Variants in COLEC12 observed in about 807,000 individuals in gnomAD.
COLEC12 encodes the protein collectin subfamily member 12.
In COLEC12, 33 loss-of-function variants were observed where a neutral mutation model predicts 71.1. That is an observed-to-expected ratio of 0.46 (90% confidence interval 0.35 to 0.62). COLEC12 has a LOEUF of 0.62. COLEC12 is among the 20% of genes least tolerant of loss of function. The pLI is 0.00. For synonymous variants in COLEC12, 350 were observed against 353.0 expected, an observed-to-expected ratio of 0.99 and a Z score of 0.10; for missense variants, 765 against 916.1, an observed-to-expected ratio of 0.84 and a Z score of 2.13.
chr18:420,668 G>C (rs1442507846), intron 2 of COLEC12, among the ~76,000 whole-genome samples: 1 of 152,118 alleles, frequency 6.6e-6, no homozygotes, highest in Non-Finnish European at 1.5e-5. Flanking sequence ...CTCCAAGAGA[G>C]GTGACTGAGA....
In COLEC12 at chr18:357,498, G is replaced by C; in HGVS notation, c.83C>G (p.Thr28Ser). ...RFGIQEGTQC[T>S]KCKNNWALKF... ...CAGTGCCCAGTTATTTTTACATTTG[G>C]TACATTGTGTTCCTTCCTGAATACC... Residue 28 changes from threonine to serine, a missense_variant, in exon 3 of 10, where the codon ACC (threonine) becomes AGC (serine). By Grantham distance (58) the Thr-to-Ser change is moderately conservative (BLOSUM62 1). Transcript: ENST00000400256. 1 of 1,587,136 alleles carries C rather than the reference G, an allele frequency of 6.3e-7. No individual in the cohort carries two copies. The highest frequency in any genetic ancestry group is 1.7e-5 in the Admixed American group (1 of 57,174).
chr18:450,173 G>A (rs1408486648), intron 2 of COLEC12, among the ~76,000 whole-genome samples: 5 of 151,970 alleles, frequency 3.3e-5, no homozygotes, highest in East Asian at 3.9e-4. Context: ...AAACTCTCTC[G>A]GCTTCCATAA....
At chr18:420,879 C>T (rs556574259) in intron 2 of COLEC12, among the ~76,000 whole-genome samples, 19 of 22,760 alleles carry the variant, frequency 8.3e-4, no homozygotes, top group Admixed American at 1.9e-3. Context: ...CCTAGAGCCA[C>T]ACCTCCTCTA....
chr18:481,432 C>T (rs1288963467), intron 1 of COLEC12, among the ~76,000 whole-genome samples: 1 of 152,182 alleles, frequency 6.6e-6, no homozygotes, highest in Non-Finnish European at 1.5e-5. Flanking sequence ...CGGCCGGGCG[C>T]AGTGGCTCAT....
intron 2 of COLEC12, among the ~76,000 whole-genome samples, chr18:423,303 C>A (rs1413966470): frequency 1.3e-5 from 2 of 152,052 alleles, no homozygotes; most frequent in Non-Finnish European, 2.9e-5. Flanking sequence ...ATTTATTGGC[C>A]TAGAACATGT....
At chr18:498,469 C>T (rs1263333319) in intron 1 of COLEC12, among the ~76,000 whole-genome samples, 1 of 151,404 alleles carries the variant, frequency 6.6e-6, no homozygotes, top group East Asian at 1.9e-4. Flanking sequence ...AAGTGATTCT[C>T]CTGCCTCAGC....
intron 2 of COLEC12, among the ~76,000 whole-genome samples, chr18:400,862 A>G (rs1226328399): frequency 6.6e-6 from 1 of 152,090 alleles, no homozygotes; most frequent in African/African-American, 2.4e-5. Flanking sequence ...GTTTCAAGAA[A>G]TAACAATTTG....
intron 2 of COLEC12, among the ~76,000 whole-genome samples, chr18:404,414 G>A (rs1170142246): frequency 6.6e-6 from 1 of 152,178 alleles, no homozygotes; most frequent in African/African-American, 2.4e-5. Flanking sequence ...TGGGGAACTA[G>A]CTTATGATGT....
At chr18:406,510 C>T (rs1360172315) in intron 2 of COLEC12, among the ~76,000 whole-genome samples, 17 of 71,758 alleles carry the variant, frequency 2.4e-4, no homozygotes, top group East Asian at 9.6e-4. Flanking sequence ...AGCGAGACTC[C>T]GTCTCAAAAA....
chr18:464,011 CCCTTTCTTGGTTCTTTCTCT>C (rs1917036650), intron 2 of COLEC12, among the ~76,000 whole-genome samples: 1 of 152,276 alleles, frequency 6.6e-6, no homozygotes, highest in Admixed American at 6.5e-5. Flanking sequence ...TTGACTGGTT[CCCTTTCTTGGTTCTTTCTCT>C]CCATCCCCAC....
intron 5 of COLEC12, among the ~76,000 whole-genome samples, chr18:343,206 G>A (rs1299502734): frequency 6.6e-6 from 1 of 152,150 alleles, no homozygotes; most frequent in Admixed American, 6.5e-5. Context: ...GGGCACATTG[G>A]GTAGGGAATT....
intron 2 of COLEC12, among the ~76,000 whole-genome samples, chr18:413,406 A>G (rs1163489368): frequency 6.6e-6 from 1 of 152,240 alleles, no homozygotes; most frequent in Non-Finnish European, 1.5e-5. Flanking sequence ...GTGAGAATGT[A>G]AAATGGTACA....
chr18:442,002 TACACACACACACACAC>T (rs56024245), intron 2 of COLEC12, among the ~76,000 whole-genome samples: 75 of 120,736 alleles, frequency 6.2e-4, no homozygotes, highest in Non-Finnish European at 7.8e-4. Context: ...TCTCTCTCTC[TACACACACACACACAC>T]ACACACACAC....
Position 353,451 on chromosome 18 carries a change from T to C in COLEC12, c.181+3949A>G, listed in dbSNP as rs150158006. Among the ~76,000 whole-genome samples the C allele has an allele frequency of 1.1e-3, 171 of 152,334 alleles. 2 individuals are homozygous for C. In the East Asian group the frequency reaches 0.028, roughly 25 times the overall value. ...AGGTTTAACTCCAAAATCCATGCTC[T>C]TTCTATGACTCCGTATCACCTCTCT... On this transcript the variant is annotated intron_variant, in intron 3 of 9. Transcript: ENST00000400256.
intron 2 of COLEC12, among the ~76,000 whole-genome samples, chr18:392,702 T>G (rs1048390758): frequency 6.6e-6 from 1 of 152,212 alleles, no homozygotes; most frequent in Non-Finnish European, 1.5e-5. Context: ...TGTGAGGGCC[T>G]TTTATGGGCC....
chr18:360,600 GCTTACACATCACA>G (rs1371474337), intron 2 of COLEC12, among the ~76,000 whole-genome samples: 3 of 152,208 alleles, frequency 2.0e-5, no homozygotes, highest in Non-Finnish European at 2.9e-5. Context: ...ACTTTAAAGT[GCTTACACATCACA>G]TTGTTGAAAT....
intron 2 of COLEC12, among the ~76,000 whole-genome samples, chr18:445,302 C>A (rs887060437): frequency 3.9e-5 from 6 of 152,180 alleles, no homozygotes; most frequent in Non-Finnish European, 7.3e-5. Context: ...GTTACAGCTA[C>A]CATTTCGCAA....
At chr18:416,359 G>C (rs746186547) in intron 2 of COLEC12, among the ~76,000 whole-genome samples, 1 of 152,190 alleles carries the variant, frequency 6.6e-6, no homozygotes, top group Non-Finnish European at 1.5e-5. Context: ...ATTATGAGAT[G>C]ATCTGATATA....
intron 2 of COLEC12, among the ~76,000 whole-genome samples, chr18:417,746 T>C (rs552986702): frequency 1.3e-5 from 2 of 152,228 alleles, no homozygotes; most frequent in Non-Finnish European, 2.9e-5. Flanking sequence ...CAAGAAACAC[T>C]GGTCATTGCT....
Sources: allele counts gnomAD v4.1 joint callset (sites outside exome capture counted in the v4.1 genomes callset), GRCh38; gene constraint gnomAD v4.1.1; transcripts MANE v1.5; gene names NCBI Gene and HGNC (gene_info 2026-07-23, HGNC 2026-07-21).